NRG2: variants seen among roughly 807,000 people sequenced by gnomAD.
NRG2 encodes neuregulin 2.
NRG2 carries 27 observed loss-of-function variants against 73.9 expected under a neutral mutation model. The ratio of observed to expected loss-of-function variants is 0.37; its 90% CI spans 0.27 to 0.50. NRG2 has a LOEUF of 0.50. Among genes scored for constraint, NRG2 ranks in the 20% least tolerant of loss-of-function variants. NRG2 has a pLI of 0.96. For missense variants in NRG2, 1,126 were observed against 1,210.1 expected (o/e 0.93, Z 1.03); for synonymous variants, 532 against 541.0 (o/e 0.98, Z 0.23).
chr5:139,920,705 G>A (rs1005361843), intron 1 of NRG2, among the ~76,000 whole-genome samples: 1 of 152,094 alleles, frequency 6.6e-6, no homozygotes, highest in East Asian at 1.9e-4. Context: ...TTTAAAGAAG[G>A]GGGCATCTGG....
rs754743803 is a variant in NRG2 at position 139,887,525 on chromosome 5, G to A, written c.701-14C>T. The A allele has an allele frequency of 1.2e-6, 2 of 1,613,306 alleles. No individual in the cohort carries two copies. Among genetic ancestry groups the A allele is most frequent in the African/African-American group, 2.7e-5 (2 of 74,880 alleles). ...TGGGCCGGGTGGCTGTGGGTTACAA[G>A]GCAGGTAGGTGAGCACGGTGGTGGT... On this transcript the variant is annotated splice_polypyrimidine_tract_variant and intron_variant, in intron 1 of 9. Transcript: ENST00000361474. The surrounding 1 kb of genome is among the most constrained non-coding windows in gnomAD (Gnocchi z 4.5).
At chr5:139,883,769 G>A (rs896536285) in intron 2 of NRG2, among the ~76,000 whole-genome samples, 1 of 152,174 alleles carries the variant, frequency 6.6e-6, no homozygotes, top group Non-Finnish European at 1.5e-5. Flanking sequence ...TCTCTATGAT[G>A]GCCCACTCCT....
At chr5:139,850,570 A>AAT (rs1761354645) in intron 9 of NRG2, among the ~76,000 whole-genome samples, 1 of 152,166 alleles carries the variant, frequency 6.6e-6, no homozygotes, top group Non-Finnish European at 1.5e-5. Context: ...AGAGCAAGGG[A>AAT]ATATCTGCTC....
chr5:140,012,275 A>G (rs1328480457), intron 1 of NRG2, among the ~76,000 whole-genome samples: 5 of 152,040 alleles, frequency 3.3e-5, no homozygotes, highest in Non-Finnish European at 7.4e-5. Context: ...GCTCCCCCTT[A>G]CCTTGTACTT....
At chr5:139,918,398 TA>T (rs201197236) in intron 1 of NRG2, among the ~76,000 whole-genome samples, 2 of 152,076 alleles carry the variant, frequency 1.3e-5, no homozygotes, top group South Asian at 2.1e-4. Flanking sequence ...CTTTTTTAGC[TA>T]AAAAAAACTA....
intron 1 of NRG2, among the ~76,000 whole-genome samples, chr5:140,024,412 A>ACGCG: frequency 6.6e-6 from 1 of 151,836 alleles, no homozygotes; most frequent in Non-Finnish European, 1.5e-5. Context: ...CCGCCACTAG[A>ACGCG]CCCGGCTAAG....
At chr5:139,897,381 C>T (rs1764613929) in intron 1 of NRG2, among the ~76,000 whole-genome samples, 1 of 152,184 alleles carries the variant, frequency 6.6e-6, no homozygotes, top group South Asian at 2.1e-4. Context: ...ACCGGCAGCT[C>T]TTATTAATCT....
At chr5:139,867,915 G>A (rs1489090423) in intron 4 of NRG2, among the ~76,000 whole-genome samples, 2 of 148,336 alleles carry the variant, frequency 1.3e-5, no homozygotes, top group Admixed American at 6.6e-5. Flanking sequence ...GACAAGCAGG[G>A]CTGCTGTCCC....
chr5:139,943,103 A>T (rs1753525156), intron 1 of NRG2, among the ~76,000 whole-genome samples: 1 of 151,862 alleles, frequency 6.6e-6, no homozygotes, highest in Admixed American at 6.6e-5. Flanking sequence ...AGCCTCCCAA[A>T]GTGCTGCAAT....
intron 5 of NRG2, among the ~76,000 whole-genome samples, chr5:139,858,756 C>G (rs1761961926): frequency 6.6e-6 from 1 of 152,206 alleles, no homozygotes. Flanking sequence ...GGTGTATACT[C>G]TCAACAACAC....
intron 1 of NRG2, among the ~76,000 whole-genome samples, chr5:139,956,590 G>T (rs1754644652): frequency 6.6e-6 from 1 of 152,188 alleles, no homozygotes; most frequent in Non-Finnish European, 1.5e-5. Context: ...AAGAGGACAT[G>T]ATAGTCTGAA....
Position 139,847,675 on chromosome 5 carries a change from C to A in NRG2, c.*242G>T. On this transcript the variant is annotated 3_prime_UTR_variant, in exon 10 of 10. Coordinates refer to ENST00000361474, the MANE Select transcript of NRG2 (RefSeq NM_004883.3). ...TTTTTTTGTTGTTTCTTTTTTTTTT[C>A]CGAAGCTGTAAATCAGGATGTTACA... 5 of 314,030 alleles carry A rather than the reference C, an allele frequency of 1.6e-5. No homozygotes were observed. The highest frequency in any genetic ancestry group is 4.9e-5 in the East Asian group (1 of 20,442). 19.5% of individuals were successfully genotyped at this position (314,030 alleles called of 1,614,324 possible). A position where few individuals can be genotyped will look rare whatever the true frequency, so the allele number is the denominator to read the frequency against.
chr5:140,024,176 T>G (rs1384739848), intron 1 of NRG2, among the ~76,000 whole-genome samples: 1 of 152,008 alleles, frequency 6.6e-6, no homozygotes, highest in Non-Finnish European at 1.5e-5. Flanking sequence ...CCTCACTGTA[T>G]GGAGAGAGAT....
intron 1 of NRG2, among the ~76,000 whole-genome samples, chr5:139,933,049 C>T (rs1033554183): frequency 3.9e-5 from 6 of 152,062 alleles, no homozygotes; most frequent in Non-Finnish European, 8.8e-5. Flanking sequence ...CCAAGGTGGG[C>T]GGATCACTTG....
rs532099988 is a variant in NRG2, at chr5:140,010,613, TAA to T, written c.700+31755_700+31756del. 3.4e-5 allele frequency among the ~76,000 whole-genome samples: 5 copies of T among 145,594 alleles called. No homozygotes were observed. The South Asian group carries it at 1.1e-3, about 32-fold the overall frequency. On this transcript the variant is annotated intron_variant, in intron 1 of 9. Transcript: ENST00000361474. The stretch of plus-strand genomic sequence containing the variant: ...AATTTCTGTTAGAAAAATAAAGTCT[TAA>T]AAAAAAAAACAGGACAGAAAATATG...
intron 1 of NRG2, among the ~76,000 whole-genome samples, chr5:139,889,526 C>T (rs530522838): frequency 1.2e-3 from 183 of 152,248 alleles, no homozygotes; most frequent in African/African-American, 4.2e-3. Flanking sequence ...CCCGCACCCC[C>T]GAGTATTCAC....
At chr5:139,965,868 G>A (rs1216780059) in intron 1 of NRG2, among the ~76,000 whole-genome samples, 1 of 152,188 alleles carries the variant, frequency 6.6e-6, no homozygotes, top group Non-Finnish European at 1.5e-5. Context: ...GGAGAGGTGT[G>A]CTAGCCAGGG....
chr5:139,879,689 G>C (rs1463492105), intron 3 of NRG2, among the ~76,000 whole-genome samples: 1 of 152,198 alleles, frequency 6.6e-6, no homozygotes, highest in African/African-American at 2.4e-5. Flanking sequence ...ACCTTAGGAG[G>C]CTGCTGCTCT....
chr5:139,921,825 G>A (rs1045550795), intron 1 of NRG2, among the ~76,000 whole-genome samples: 4 of 152,134 alleles, frequency 2.6e-5, no homozygotes, highest in South Asian at 2.1e-4. Context: ...ACTTTGACAG[G>A]TCAAGGTCGG....
Sources: gnomAD v4.1 joint callset for allele counts (sites outside exome capture counted in the v4.1 genomes callset) on GRCh38, gnomAD v4.1.1 for gene constraint, Gnocchi (gnomAD v3.1) non-coding constraint, MANE v1.5 for transcripts, NCBI Gene and HGNC (gene_info 2026-07-23, HGNC 2026-07-21) for gene names.